TCHP: variants seen among roughly 807,000 people sequenced by gnomAD.
TCHP encodes the protein trichoplein keratin filament binding.
Under a neutral mutation model 88.7 loss-of-function variants are expected in TCHP, and 81 were observed. That is an observed-to-expected ratio of 0.91 (90% CI 0.76 to 1.10). The LOEUF (loss-of-function observed/expected upper bound fraction) is 1.10, where lower values mean the gene tolerates loss of function less well. Among genes scored for constraint, TCHP ranks in the 50% least tolerant of loss-of-function variants. The probability of loss-of-function intolerance (pLI) is 0.00; values close to 1 mark genes in which losing one functional copy is unlikely to be tolerated. For missense variants in TCHP, 641 were observed against 632.1 expected, an observed-to-expected ratio of 1.01 and a Z score of -0.15; for synonymous variants, 232 against 232.5, an observed-to-expected ratio of 1.00 and a Z score of 0.02.
At chr12:109,907,750 C>T (rs1385680021) in intron 6 of TCHP, 51 bp downstream of exon 6, 2 of 1,542,734 alleles carry the variant, frequency 1.3e-6, no homozygotes, top group East Asian at 2.4e-5. Flanking sequence ...TGCTCGTTAG[C>T]ATGAGATGGG....
Position 109,905,691 on chromosome 12 carries a change from C to T in TCHP, c.457-881C>T, listed in dbSNP as rs1018949775. Reference sequence around the variant, plus strand: ...GTTATTCGTAGTTACATTTAGAAATCGCCAGGCACTAAATAATGGAACATC... The same window carrying T: ...GTTATTCGTAGTTACATTTAGAAATTGCCAGGCACTAAATAATGGAACATC... On this transcript the variant is annotated intron_variant, in intron 4 of 12. Coordinates refer to ENST00000405876, the MANE Select transcript of TCHP (RefSeq NM_001143852.2). This position sits in a 1 kb window ranked among gnomAD's most constrained non-coding sequence, Gnocchi z 4.0. Among the ~76,000 whole-genome samples the T allele has an allele frequency of 2.6e-5, 4 of 152,276 alleles. No individual in the cohort carries two copies. Among genetic ancestry groups the T allele is most frequent in the Admixed American group, 2.0e-4 (3 of 15,294 alleles).
intron 1 of TCHP, among the ~76,000 whole-genome samples, chr12:109,901,342 ACT>A (rs971775161): frequency 7.9e-5 from 12 of 151,024 alleles, no homozygotes; most frequent in African/African-American, 2.9e-4. Context: ...TTGCTTTTAG[ACT>A]CTTTTTTTCC....
intron 9 of TCHP, among the ~76,000 whole-genome samples, chr12:109,911,956 C>T (rs1158333036): frequency 1.3e-5 from 2 of 151,988 alleles, no homozygotes; most frequent in Non-Finnish European, 2.9e-5. Context: ...CCACCACACC[C>T]GGCTACTTTT....
intron 1 of TCHP, among the ~76,000 whole-genome samples, chr12:109,902,602 G>T (rs1017476110): frequency 5.3e-5 from 8 of 152,130 alleles, no homozygotes; most frequent in Non-Finnish European, 8.8e-5. Flanking sequence ...GCCTCCCAAG[G>T]AGCTGGGATT....
Position 109,913,098 on chromosome 12 carries a change from C to T in TCHP, c.1134+26C>T, listed in dbSNP as rs781267469. 4 of 1,611,340 alleles carry T rather than the reference C, an allele frequency of 2.5e-6. No individual in the cohort carries two copies. The South Asian group carries it at 4.4e-5, about 18-fold the overall frequency. ...GTAATCCCAGCTGCGGCGATGTGGA[C>T]CGGCTGTTGGGTCTTGGGCAGGTGT... On this transcript the variant is annotated intron_variant, in intron 10 of 12. Coordinates refer to ENST00000405876, the MANE Select transcript of TCHP (RefSeq NM_001143852.2).
chr12:109,907,772 C>A, intron 6 of TCHP, 73 bp downstream of exon 6: 1 of 1,502,148 alleles, frequency 6.7e-7, no homozygotes, highest in Non-Finnish European at 9.0e-7. Flanking sequence ...ACTTGAGAGG[C>A]TGCCCTAAGA....
Position 109,907,593 on chromosome 12 carries a change from C to T in TCHP, c.593C>T (p.Ala198Val), listed in dbSNP as rs1301538716. Residue 198 changes from alanine to valine, a missense_variant, in exon 6 of 13, where the codon GCG becomes GTG. Transcript: ENST00000405876. ...GAATATGAAAGGGCCCGAAGGGAGG[C>T]GCTAGAAAGGATGAAAGCTGAAGAG... ...ENEYERARRE[A>V]LERMKAEEER... 18 of 1,613,982 alleles carry T rather than the reference C, an allele frequency of 1.1e-5. No homozygotes were observed. Among genetic ancestry groups the T allele is most frequent in the Non-Finnish European group, 1.4e-5 (17 of 1,180,028 alleles).
intron 4 of TCHP, chr12:109,904,996 C>T: frequency 1.7e-6 from 1 of 576,290 alleles, no homozygotes; most frequent in South Asian, 2.1e-5. Context: ...GATTGAACCT[C>T]CGCTGCCTGG....
At chr12:109,910,313 T>G (rs1870414688) in intron 8 of TCHP, among the ~76,000 whole-genome samples, 1 of 152,198 alleles carries the variant, frequency 6.6e-6, no homozygotes, top group South Asian at 2.1e-4. Context: ...GTGGCATGGT[T>G]GGTCCTGGTG....
the TCHP span, among the ~76,000 whole-genome samples, chr12:109,882,692 T>TCGCCC: frequency 6.9e-6 from 1 of 144,492 alleles, no homozygotes; most frequent in Non-Finnish European, 1.5e-5. Flanking sequence ...TCTCACTCTG[T>TCGCCC]CGCCCAGGCT....
Position 109,907,537 on chromosome 12 carries a change from C to A in TCHP, c.537C>A (p.Thr179=), listed in dbSNP as rs755400078. The A allele has an allele frequency of 2.0e-5, 33 of 1,613,928 alleles. No individual in the cohort carries two copies. Among genetic ancestry groups the A allele is most frequent in the Non-Finnish European group, 2.6e-5 (31 of 1,179,996 alleles). The change falls in exon 6 of 13, where the codon ACC becomes ACA. Residue 179 remains threonine (T), a synonymous_variant. Coordinates refer to ENST00000405876, the MANE Select transcript of TCHP (RefSeq NM_001143852.2). ...TTGGTCCCTTGTAGCAAGAAGCCAC[C>A]GCAGAGCAAGAGAACAAACGGTATG... ...QKEEKKQQEA[T]AEQENKRYEN...
chr12:109,886,571 G>C, the TCHP span, among the ~76,000 whole-genome samples: 1 of 151,920 alleles, frequency 6.6e-6, no homozygotes, highest in Non-Finnish European at 1.5e-5. Flanking sequence ...GATATTCCAA[G>C]CTTATCTTGT....
chr12:109,891,513 C>G, the TCHP span, among the ~76,000 whole-genome samples: 103 of 151,826 alleles, frequency 6.8e-4, 1 homozygote, highest in Admixed American at 3.9e-4. Context: ...CCTGCCTCAG[C>G]CTCCCAAGTA....
upstream of TCHP, among the ~76,000 whole-genome samples, chr12:109,897,437 A>G (rs1312652950): frequency 6.6e-6 from 1 of 152,224 alleles, no homozygotes; most frequent in Non-Finnish European, 1.5e-5. Context: ...TCTGGTCATT[A>G]TACAGATGAG....
At chr12:109,898,360 C>G (rs1869618946), upstream of TCHP, among the ~76,000 whole-genome samples, 1 of 152,164 alleles carries the variant, frequency 6.6e-6, no homozygotes, top group Non-Finnish European at 1.5e-5. Flanking sequence ...CAGGTGCCTG[C>G]CACCACGCCC....
intron 6 of TCHP, 100 bp from the exon 7 acceptor site, chr12:109,908,486 G>C: frequency 2.1e-6 from 2 of 967,704 alleles, no homozygotes; most frequent in South Asian, 1.5e-5. Context: ...CCAGGCCTCT[G>C]TTGGTGTAGT....
the TCHP span, among the ~76,000 whole-genome samples, chr12:109,887,408 T>C: frequency 8.6e-6 from 1 of 116,392 alleles, no homozygotes; most frequent in Non-Finnish European, 1.7e-5. Context: ...AGGCTCTGTC[T>C]CAAAAAAAAA....
chr12:109,915,140 G>T (rs1870732383), intron 11 of TCHP: 1 of 566,884 alleles, frequency 1.8e-6, no homozygotes, highest in Non-Finnish European at 3.1e-6. Context: ...TTTCCACGAG[G>T]TACACGCCAC....
the TCHP span, among the ~76,000 whole-genome samples, chr12:109,882,235 G>T: frequency 1.3e-5 from 2 of 151,962 alleles, no homozygotes; most frequent in Non-Finnish European, 2.9e-5. Flanking sequence ...CTTGGGGTGT[G>T]AGTCTGGCCA....
Sources: allele counts gnomAD v4.1 joint callset (sites outside exome capture counted in the v4.1 genomes callset), GRCh38; gene constraint gnomAD v4.1.1; non-coding constraint Gnocchi (gnomAD v3.1); transcripts MANE v1.5; gene names NCBI Gene and HGNC (gene_info 2026-07-23, HGNC 2026-07-21).